Variants in SIX4 observed in about 807,000 individuals in gnomAD.
SIX4 encodes SIX homeobox 4.
SIX4 carries 23 observed loss-of-function variants against 51.5 expected under a neutral mutation model. The observed-to-expected ratio is 0.45, with a 90% confidence interval of 0.32 to 0.63. SIX4 has a LOEUF of 0.63. Ranked by LOEUF, SIX4 falls within the 30% of genes least tolerant of loss-of-function variation. SIX4 has a pLI of 0.04. For synonymous variants in SIX4, 413 were observed against 417.3 expected (o/e 0.99, Z 0.13); for missense variants, 867 against 984.0 (o/e 0.88, Z 1.59).
chr14:60,714,337 G>A, intron 2 of SIX4, 134 bp from the exon 3 acceptor site: 2 of 744,088 alleles, frequency 2.7e-6, no homozygotes, highest in Non-Finnish European at 4.1e-6. Flanking sequence ...GCCCAATTCT[G>A]GTTCAGAATT....
At position 60,719,696 on chromosome 14, in the gene SIX4, C is replaced by T. The variant is rs985081422; in HGVS notation, c.1549+64G>A. 45 of 1,494,770 alleles carry T rather than the reference C, an allele frequency of 3.0e-5. No homozygotes were observed. Among genetic ancestry groups the T allele is most frequent in the East Asian group, 6.8e-5 (3 of 44,224 alleles). The allele number at this position is 1,494,770 out of a possible 1,614,324, so 92.6% of individuals were successfully genotyped here. On this transcript the variant is annotated intron_variant, in intron 2 of 2. Coordinates refer to ENST00000216513, the MANE Select transcript of SIX4 (RefSeq NM_017420.5). The surrounding 1 kb of genome is among the most constrained non-coding windows in gnomAD (Gnocchi z 4.9). ...ATCAATCTATAGCTATCACCAAATG[C>T]GTCACTTACAGCAGCTGATGAACAC... is the stretch of plus-strand genomic sequence containing the variant.
rs1175127010 is a variant in SIX4 at position 60,722,348 on chromosome 14, C to T, written c.863+864G>A. Among the ~76,000 whole-genome samples the T allele has an allele frequency of 6.6e-6, 1 of 152,064 alleles. No homozygotes were observed. Among genetic ancestry groups the T allele is most frequent in the Non-Finnish European group, 1.5e-5 (1 of 68,006 alleles). On this transcript the variant is annotated intron_variant, in intron 1 of 2. Coordinates refer to ENST00000216513, the MANE Select transcript of SIX4 (RefSeq NM_017420.5). This position sits in a 1 kb window ranked among gnomAD's most constrained non-coding sequence, Gnocchi z 5.9. Reference sequence around the variant, plus strand: ...CTCAAACCCAGTGGGGTGGGAGCGCCCCCACTCCTTTGCTGCCGCCCGCCG... The same window carrying T: ...CTCAAACCCAGTGGGGTGGGAGCGCTCCCACTCCTTTGCTGCCGCCCGCCG...
At chr14:60,723,039 G>A in intron 1 of SIX4, 173 bp downstream of exon 1, 3 of 1,395,964 alleles carry the variant, frequency 2.1e-6, no homozygotes, top group Admixed American at 6.5e-5. Context: ...CCCCGCCTCC[G>A]CCGCCCCCTA....
chr14:60,723,783 C>G lies in SIX4; in HGVS notation c.292G>C (p.Ala98Pro). Residue 98 changes from alanine (A) to proline (P), a missense_variant, in exon 1 of 3, where the codon GCC becomes CCC. Ala to Pro is a conservative substitution (Grantham distance 27). Transcript: ENST00000216513. ...AGCGGGGTCTGCGCGGCGGCGGCGG[C>G]GGCGTGGTGGTGCCTGCCCAGAAGT... ...SELLGRHHHA[A>P]AAAAQTPLAF... The G allele has an allele frequency of 1.3e-6, 2 of 1,536,744 alleles. No homozygotes were observed. Among genetic ancestry groups the G allele is most frequent in the African/African-American group, 2.7e-5 (2 of 72,956 alleles).
intron 2 of SIX4, chr14:60,718,098 A>G (rs976967041): frequency 1.3e-5 from 2 of 157,670 alleles, no homozygotes; most frequent in African/African-American, 4.8e-5. Flanking sequence ...TTTTCCACAT[A>G]AATCCCAACT....
rs550941900 is a variant in SIX4, at chr14:60,719,957, G to C, written c.1352C>G (p.Thr451Ser). 3.7e-6 allele frequency: 6 copies of C among 1,614,198 alleles called. No individual in the cohort carries two copies. In the East Asian group the frequency reaches 1.3e-4, roughly 36 times the overall value. The change falls in exon 2 of 3, where the codon ACT (threonine) becomes AGT (serine). Residue 451 changes from threonine (T) to serine (S), a missense_variant. By Grantham distance (58) the Thr-to-Ser change is moderately conservative. Transcript: ENST00000216513. The surrounding 1 kb of genome is among the most constrained non-coding windows in gnomAD (Gnocchi z 4.9). ...TTGAATGCCTTCTCTTTTCACCTCA[G>C]TGCTGGGTATCAGGCCTGGGAATGA... is the stretch of plus-strand genomic sequence containing the variant. ...PVSFPGLIPS[T>S]EVKREGIQTV...
rs574877032 is a variant in SIX4, at chr14:60,724,057, G to A, written c.18C>T (p.Pro6=). The part of the protein sequence containing the change: MSSSS[P]TGQIASAADI... Reference sequence around the variant, plus strand: ...CCGCCGCACTTGCGATCTGCCCGGTGGGGGAGGAAGAGGACATTTTTTGTT... The same window carrying A: ...CCGCCGCACTTGCGATCTGCCCGGTAGGGGAGGAAGAGGACATTTTTTGTT... Residue 6 remains proline (P), a synonymous_variant, in exon 1 of 3, where the codon CCC becomes CCT. Transcript: ENST00000216513. 48 of 1,543,570 alleles carry A rather than the reference G, an allele frequency of 3.1e-5. No individual in the cohort carries two copies. Among genetic ancestry groups the A allele is most frequent in the Non-Finnish European group, 3.9e-5 (45 of 1,143,504 alleles).
chr14:60,720,354 T>C lies in SIX4; in HGVS notation c.955A>G (p.Ile319Val). The change falls in exon 2 of 3, where the codon ATC (isoleucine) becomes GTC (valine). Residue 319 changes from isoleucine (I) to valine (V), a missense_variant. By Grantham distance (29) the Ile-to-Val change is conservative. Coordinates refer to ENST00000216513, the MANE Select transcript of SIX4 (RefSeq NM_017420.5). The surrounding 1 kb of genome is among the most constrained non-coding windows in gnomAD (Gnocchi z 5.5). ...PHPLSSSSDG[I>V]TNLSLSSHME... ...TGACTGGAAAGGCTGAGGTTGGTGA[T>C]GCCATCAGATGAACTGGAGAGTGGG... 1 of 1,614,220 alleles carries C rather than the reference T, an allele frequency of 6.2e-7. No individual in the cohort carries two copies. Among genetic ancestry groups the C allele is most frequent in the South Asian group, 1.1e-5 (1 of 91,088 alleles).
Position 60,716,646 on chromosome 14 carries a change from C to G in SIX4, c.1550-2443G>C, listed in dbSNP as rs1361285781. On this transcript the variant is annotated intron_variant, in intron 2 of 2. Coordinates refer to ENST00000216513, the MANE Select transcript of SIX4 (RefSeq NM_017420.5). ...CAAGTGATCCTCCTGCCTCAGCCTCCCAAAGTGTTAGAATTACAGGCGTGA... is the reference window on the plus strand; with the variant it reads ...CAAGTGATCCTCCTGCCTCAGCCTCGCAAAGTGTTAGAATTACAGGCGTGA... Among the ~76,000 whole-genome samples the G allele has an allele frequency of 3.3e-5, 5 of 151,690 alleles. No homozygotes were observed. In the East Asian group the frequency reaches 9.6e-4, roughly 29 times the overall value.
In SIX4 at chr14:60,713,599, T is replaced by C. The variant is rs1895861994; in HGVS notation, c.2154A>G (p.Val718=). 1.2e-6 allele frequency: 2 copies of C among 1,614,160 alleles called. No homozygotes were observed. Among genetic ancestry groups the C allele is most frequent in the Non-Finnish European group, 1.7e-6 (2 of 1,180,062 alleles). Residue 718 remains valine (V), a synonymous_variant, in exon 3 of 3, where the codon GTA becomes GTG. Transcript: ENST00000216513. ...VQEHRLVLQS[V]ANMKENFLSN... ...ATAAGAAATTCTCTTTCATGTTAGC[T>C]ACCGATTGCAGAACCAAACGATGTT...
chr14:60,723,080 C>G, intron 1 of SIX4, 132 bp downstream of exon 1: 3 of 1,394,630 alleles, frequency 2.2e-6, no homozygotes, highest in Middle Eastern at 2.7e-4. Context: ...AGGTAGGGGG[C>G]GGGGAGAGGT....
rs1896007060 is a variant in SIX4 at position 60,720,834 on chromosome 14, C to T, written c.864-389G>A. ...CCTTAAATGAGGTGGTCGGTCTTTCCTGTTTAGGAACTCCTTCCCCTCCCC... is the reference window on the plus strand; with the variant it reads ...CCTTAAATGAGGTGGTCGGTCTTTCTTGTTTAGGAACTCCTTCCCCTCCCC... On this transcript the variant is annotated intron_variant, in intron 1 of 2. Transcript: ENST00000216513. This position sits in a 1 kb window ranked among gnomAD's most constrained non-coding sequence, Gnocchi z 5.5. 2.0e-6 allele frequency: 1 copy of T among 494,068 alleles called. No homozygotes were observed. The highest frequency in any genetic ancestry group is 2.1e-5 in the African/African-American group (1 of 47,978). The allele number at this position is 494,068 out of a possible 1,614,324, so 30.6% of individuals were successfully genotyped here. A position where few individuals can be genotyped will look rare whatever the true frequency, so the allele number is the denominator to read the frequency against.
Position 60,723,682 on chromosome 14 carries a change from C to G in SIX4, c.393G>C (p.Arg131=). 1 of 1,573,434 alleles carries G rather than the reference C, an allele frequency of 6.4e-7. No homozygotes were observed. The highest frequency in any genetic ancestry group is 8.6e-7 in the Non-Finnish European group (1 of 1,161,102). ...QQGGNLDRLA[R]FLWSLPQSDL... Reference sequence around the variant, plus strand: ...CGCTCTGGGGCAGGGACCACAGGAACCGGGCCAGGCGGTCCAGGTTGCCCC... The same window carrying G: ...CGCTCTGGGGCAGGGACCACAGGAAGCGGGCCAGGCGGTCCAGGTTGCCCC... The change falls in exon 1 of 3, where the codon CGG becomes CGC. Residue 131 remains arginine, a synonymous_variant. Coordinates refer to ENST00000216513, the MANE Select transcript of SIX4 (RefSeq NM_017420.5).
In SIX4 at chr14:60,713,845, G is replaced by A. The variant is rs760747617; in HGVS notation, c.1908C>T (p.Asp636=). The stretch of plus-strand genomic sequence containing the variant: ...CAGACATTGGTTGGCTATCGGCAAT[G>A]TCGCGGTTTAGCTCAGTGGGATTTA... ...TLLNPTELNR[D]IADSQPMSAP... Residue 636 remains aspartate, a synonymous_variant, in exon 3 of 3, where the codon GAC becomes GAT. Transcript: ENST00000216513. The A allele has an allele frequency of 1.9e-6, 3 of 1,614,202 alleles. No individual in the cohort carries two copies. The South Asian group carries it at 3.3e-5, about 18-fold the overall frequency.
At chr14:60,718,132 C>G (rs1379611185) in intron 2 of SIX4, 1 of 155,482 alleles carries the variant, frequency 6.4e-6, no homozygotes. Context: ...TCTATCTTGT[C>G]AAGACATTTT....
rs1042654161 is a variant in SIX4, at chr14:60,711,460, A to G, written c.*1947T>C. On this transcript the variant is annotated 3_prime_UTR_variant, in exon 3 of 3. Transcript: ENST00000216513. ...TTGATTGATTGACATGTAGAGAACT[A>G]GAGTGGGCCCTTTGTTCTGATCATA... The G allele has an allele frequency of 1.3e-5, 2 of 152,110 alleles. No individual in the cohort carries two copies. The highest frequency in any genetic ancestry group is 2.9e-5 in the Non-Finnish European group (2 of 68,018). The allele number at this position is 152,110 out of a possible 1,614,324, so 9.4% of individuals were successfully genotyped here.
At position 60,719,888 on chromosome 14, in the gene SIX4, G is replaced by A; in HGVS notation, c.1421C>T (p.Thr474Ile). 1.2e-6 allele frequency: 2 copies of A among 1,614,220 alleles called. No individual in the cohort carries two copies. Among genetic ancestry groups the A allele is most frequent in the East Asian group, 2.2e-5 (1 of 44,884 alleles). Residue 474 changes from threonine (T) to isoleucine (I), a missense_variant, in exon 2 of 3, where the codon ACA becomes ATA. Coordinates refer to ENST00000216513, the MANE Select transcript of SIX4 (RefSeq NM_017420.5). This position sits in a 1 kb window ranked among gnomAD's most constrained non-coding sequence, Gnocchi z 4.9. ...QDGGSVVTFTTPVQINQYGIV... is the reference protein window; with the variant it reads ...QDGGSVVTFTIPVQINQYGIV... ...GCCATACTGGTTAATTTGCACTGGT[G>A]TAGTAAAAGTCACTACAGACCCTCC...
In SIX4 at chr14:60,720,561, C is replaced by T. The variant is rs1594699792; in HGVS notation, c.864-116G>A. ...CATTAAAGGCAGTATTTAAGGAAAGCACAGCAGGATATCTGCTAGTCCTAT... is the reference window on the plus strand; with the variant it reads ...CATTAAAGGCAGTATTTAAGGAAAGTACAGCAGGATATCTGCTAGTCCTAT... On this transcript the variant is annotated intron_variant, in intron 1 of 2. Coordinates refer to ENST00000216513, the MANE Select transcript of SIX4 (RefSeq NM_017420.5). This position sits in a 1 kb window ranked among gnomAD's most constrained non-coding sequence, Gnocchi z 5.5. 2 of 1,003,052 alleles carry T rather than the reference C, an allele frequency of 2.0e-6. No individual in the cohort carries two copies. The highest frequency in any genetic ancestry group is 2.4e-5 in the East Asian group (1 of 41,534). 62.1% of individuals were successfully genotyped at this position (1,003,052 alleles called of 1,614,324 possible).
rs1895997741 is a variant in SIX4, at chr14:60,720,265, A to C, written c.1044T>G (p.Val348=). 3.1e-6 allele frequency: 5 copies of C among 1,614,238 alleles called. No individual in the cohort carries two copies. The East Asian group carries it at 1.1e-4, about 36-fold the overall frequency. The part of the protein sequence containing the change: ...NAKISLSSSG[V]LLNGSLVPAS... ...CAGGTACCAAGCTTCCATTCAACAG[A>C]ACTCCAGAAGAGCTTAATGATATCT... The change falls in exon 2 of 3, where the codon GTT becomes GTG. Residue 348 remains valine (V), a synonymous_variant. Coordinates refer to ENST00000216513, the MANE Select transcript of SIX4 (RefSeq NM_017420.5). The surrounding 1 kb of genome is among the most constrained non-coding windows in gnomAD (Gnocchi z 5.5).
Sources: allele counts gnomAD v4.1 joint callset (sites outside exome capture counted in the v4.1 genomes callset), GRCh38; gene constraint gnomAD v4.1.1; non-coding constraint Gnocchi (gnomAD v3.1); transcripts MANE v1.5; gene names NCBI Gene and HGNC (gene_info 2026-07-23, HGNC 2026-07-21).